EPSTI1: variants seen among roughly 807,000 people sequenced by gnomAD.
The protein encoded by EPSTI1 is epithelial stromal interaction 1.
Under a neutral mutation model 49.9 loss-of-function variants are expected in EPSTI1, and 66 were observed. The observed-to-expected ratio is 1.32, with a 90% CI of 1.08 to 1.62. EPSTI1 has a LOEUF of 1.62. Ranked by LOEUF, EPSTI1 falls within the 40% of genes most tolerant of loss-of-function variation. EPSTI1 has a pLI of 0.00. For synonymous variants in EPSTI1, 137 were observed against 130.7 expected, an observed-to-expected ratio of 1.05 and a Z score of -0.33; for missense variants, 394 against 365.5, an observed-to-expected ratio of 1.08 and a Z score of -0.64.
chr13:42,954,348 C>T (rs1355480646), intron 5 of EPSTI1, among the ~76,000 whole-genome samples: 1 of 152,168 alleles, frequency 6.6e-6, no homozygotes, highest in African/African-American at 2.4e-5. Flanking sequence ...TTAATGAAAA[C>T]ATGAAATTTC....
chr13:42,969,750 T>C (rs904702448), intron 2 of EPSTI1: 4 of 152,450 alleles, frequency 2.6e-5, no homozygotes, highest in African/African-American at 7.2e-5. Flanking sequence ...AAATGTTCAC[T>C]CTGCACGACA....
chr13:42,970,516 C>A, intron 2 of EPSTI1, 96 bp downstream of exon 2: 5 of 1,086,646 alleles, frequency 4.6e-6, no homozygotes, highest in Non-Finnish European at 6.6e-6. Context: ...TTTGGTGAGT[C>A]TATATAAATG....
At chr13:42,934,468 C>G (rs1331655236) in intron 6 of EPSTI1, 1 of 152,626 alleles carries the variant, frequency 6.6e-6, no homozygotes, top group Non-Finnish European at 1.5e-5. Flanking sequence ...CTGCCATGGC[C>G]ATTGTGAGCA....
At chr13:42,952,180 G>A (rs1255254790) in intron 6 of EPSTI1, among the ~76,000 whole-genome samples, 9 of 152,194 alleles carry the variant, frequency 5.9e-5, no homozygotes, top group Non-Finnish European at 1.3e-4. Context: ...AGACAAATAA[G>A]GCAATAAAAG....
chr13:42,951,432 T>A (rs1198828948), intron 6 of EPSTI1, among the ~76,000 whole-genome samples: 1 of 152,256 alleles, frequency 6.6e-6, no homozygotes, highest in Non-Finnish European at 1.5e-5. Context: ...TTGAGATACT[T>A]CTCAATTTTA....
At chr13:42,991,948 G>A (rs1416228332) in intron 1 of EPSTI1, 30 bp downstream of exon 1, 1 of 1,611,492 alleles carries the variant, frequency 6.2e-7, no homozygotes, top group Non-Finnish European at 8.5e-7. Flanking sequence ...CCGGGCTCCC[G>A]CCCCGAAGCC....
chr13:42,946,519 T>A (rs1371685018), intron 6 of EPSTI1, among the ~76,000 whole-genome samples: 1 of 152,202 alleles, frequency 6.6e-6, no homozygotes, highest in Non-Finnish European at 1.5e-5. Context: ...ATTACGGTAC[T>A]AATCCATGTT....
chr13:42,893,885 TACTGTTACAAGAC>T (rs2037112255), intron 10 of EPSTI1, among the ~76,000 whole-genome samples: 1 of 152,228 alleles, frequency 6.6e-6, no homozygotes, highest in African/African-American at 2.4e-5. Flanking sequence ...CCTACTCACA[TACTGTTACAAGAC>T]ACTATGTGTA....
chr13:42,979,203 A>G (rs1428739323), intron 1 of EPSTI1, among the ~76,000 whole-genome samples: 1 of 152,202 alleles, frequency 6.6e-6, no homozygotes, highest in Non-Finnish European at 1.5e-5. Context: ...CCAGGTTCCA[A>G]AAGAGAAAAG....
intron 1 of EPSTI1, among the ~76,000 whole-genome samples, chr13:42,986,920 G>T (rs115956807): frequency 9.1e-4 from 139 of 152,040 alleles, no homozygotes; most frequent in African/African-American, 3.2e-3. Flanking sequence ...CCAGGTTGGC[G>T]AACACATCAA....
intron 6 of EPSTI1, chr13:42,934,629 T>TG (rs11387260): frequency 0.83 from 130,078 of 156,356 alleles, 54,199 homozygotes; most frequent in Middle Eastern, 0.88. Context: ...GGGTTGTGGT[T>TG]GGGGGGACGT....
intron 6 of EPSTI1, among the ~76,000 whole-genome samples, chr13:42,949,623 G>C (rs1252531383): frequency 6.6e-6 from 1 of 150,702 alleles, no homozygotes; most frequent in African/African-American, 2.4e-5. Context: ...AGAAAAGAGA[G>C]ACTTTTCTTT....
At chr13:42,987,360 A>G (rs546187966) in intron 1 of EPSTI1, among the ~76,000 whole-genome samples, 10 of 151,774 alleles carry the variant, frequency 6.6e-5, no homozygotes, top group Non-Finnish European at 1.0e-4. Context: ...GAAAAAAAAA[A>G]CCACACAACT....
chr13:42,953,423 TA>T (rs1403949325), intron 6 of EPSTI1, among the ~76,000 whole-genome samples: 1 of 152,230 alleles, frequency 6.6e-6, no homozygotes, highest in Non-Finnish European at 1.5e-5. Context: ...ATAAAGCATG[TA>T]GTAGTTGCCC....
At chr13:42,983,975 C>A (rs2040034620) in intron 1 of EPSTI1, among the ~76,000 whole-genome samples, 1 of 152,214 alleles carries the variant, frequency 6.6e-6, no homozygotes. Context: ...TGCTTCATTA[C>A]ATTTCTCATT....
At chr13:42,955,157 G>A (rs1231645384) in intron 5 of EPSTI1, among the ~76,000 whole-genome samples, 2 of 152,120 alleles carry the variant, frequency 1.3e-5, no homozygotes, top group African/African-American at 4.8e-5. Flanking sequence ...ATTCTAGGAG[G>A]CAAACTAATG....
intron 3 of EPSTI1, among the ~76,000 whole-genome samples, chr13:42,966,733 A>T (rs1594744759): frequency 2.2e-5 from 2 of 89,196 alleles, no homozygotes. Context: ...CCCGTCCGGG[A>T]GGTGAGGGGC....
At chr13:42,892,493 TGA>T (rs949093260) in intron 10 of EPSTI1, among the ~76,000 whole-genome samples, 18 of 151,966 alleles carry the variant, frequency 1.2e-4, no homozygotes, top group African/African-American at 3.9e-4. Context: ...TGTGTGGGTG[TGA>T]GAGAGGGATT....
chr13:42,934,010 GC>G (rs1411145281), intron 6 of EPSTI1: 2 of 182,350 alleles, frequency 1.1e-5, no homozygotes, highest in East Asian at 2.5e-4. Context: ...TCTTCAGAAA[GC>G]CATGTAAAGA....
Sources: gnomAD v4.1 joint callset for allele counts (sites outside exome capture counted in the v4.1 genomes callset) on GRCh38, gnomAD v4.1.1 for gene constraint, MANE v1.5 for transcripts, NCBI Gene and HGNC (gene_info 2026-07-23, HGNC 2026-07-21) for gene names.